PAQR5: variants seen among roughly 807,000 people sequenced by gnomAD.
The protein encoded by PAQR5 is membrane progestin receptor gamma.
A neutral mutation model predicts 34.5 loss-of-function variants in PAQR5; 20 were observed. The ratio of observed to expected loss-of-function variants is 0.58; its 90% CI spans 0.41 to 0.84. The LOEUF (loss-of-function observed/expected upper bound fraction) is 0.84, where lower values mean the gene tolerates loss of function less well. Among genes scored for constraint, PAQR5 ranks in the 40% least tolerant of loss-of-function variants. The pLI, the probability that PAQR5 is intolerant of heterozygous loss-of-function variation, is 0.00. For synonymous variants in PAQR5, 131 were observed against 155.6 expected (o/e 0.84, Z 1.18); for missense variants, 378 against 412.7 (o/e 0.92, Z 0.73).
At position 69,384,754 on chromosome 15, in the gene PAQR5, T is replaced by G. The variant is rs780012426; in HGVS notation, c.257T>G (p.Val86Gly). ...KNDSYSWPML[V>G]YMCTSCVYPL... ...GACAGCTACTCCTGGCCCATGCTTGTGTACATGTGCACCAGCTGCGTGTAC... is the reference window on the plus strand; with the variant it reads ...GACAGCTACTCCTGGCCCATGCTTGGGTACATGTGCACCAGCTGCGTGTAC... Residue 86 changes from valine to glycine, a missense_variant, in exon 5 of 9, where the codon GTG becomes GGG. Val to Gly is a moderately radical substitution (Grantham distance 109). Transcript: ENST00000395407. 1 of 1,613,756 alleles carries G rather than the reference T, an allele frequency of 6.2e-7. No homozygotes were observed. Among genetic ancestry groups the G allele is most frequent in the Non-Finnish European group, 8.5e-7 (1 of 1,179,766 alleles).
At chr15:69,379,800 G>A (rs1346948920) in intron 3 of PAQR5, 83 bp from the exon 4 acceptor site, 2 of 1,512,686 alleles carry the variant, frequency 1.3e-6, no homozygotes, top group African/African-American at 2.7e-5. Flanking sequence ...GGCACACAGA[G>A]CACGGCCTGG....
intron 1 of PAQR5, among the ~76,000 whole-genome samples, chr15:69,303,192 C>T (rs563651845): frequency 2.0e-5 from 3 of 152,298 alleles, no homozygotes; most frequent in South Asian, 2.1e-4. Flanking sequence ...GACCCAGAGG[C>T]GAGGAGTGAC....
At chr15:69,300,642 TTTC>T (rs2053531097) in intron 1 of PAQR5, among the ~76,000 whole-genome samples, 4 of 33,960 alleles carry the variant, frequency 1.2e-4, no homozygotes, top group East Asian at 6.6e-4. Context: ...TCTTTCTTTC[TTTC>T]TTTCTTTTCT....
intron 1 of PAQR5, among the ~76,000 whole-genome samples, chr15:69,324,129 C>CAAAAA (rs55634756): frequency 3.5e-4 from 48 of 135,448 alleles, no homozygotes; most frequent in Non-Finnish European, 4.8e-4. Flanking sequence ...ATAGCTAGGG[C>CAAAAA]AAAAAAAAAA....
intron 5 of PAQR5, among the ~76,000 whole-genome samples, chr15:69,386,992 C>T (rs1229001736): frequency 6.7e-6 from 1 of 149,524 alleles, no homozygotes; most frequent in Non-Finnish European, 1.5e-5. Flanking sequence ...CACCCTCTGG[C>T]CAATTGGTTA....
chr15:69,388,307 T>C (rs780842547), intron 5 of PAQR5, among the ~76,000 whole-genome samples: 56 of 152,242 alleles, frequency 3.7e-4, no homozygotes, highest in Non-Finnish European at 6.9e-4. Context: ...TTTCCTTTCC[T>C]TAGCCTGCAT....
chr15:69,310,651 T>C lies in PAQR5; in HGVS notation c.-277+11595T>C, dbSNP rs369463443. On this transcript the variant is annotated intron_variant, in intron 1 of 8. Coordinates refer to ENST00000395407, the MANE Select transcript of PAQR5 (RefSeq NM_017705.4). ...TTGAAGTATTGGAGAAACTAGTCTTTTGTCTGGAATATACATTATACGTTT... is the reference window on the plus strand; with the variant it reads ...TTGAAGTATTGGAGAAACTAGTCTTCTGTCTGGAATATACATTATACGTTT... 5.3e-5 allele frequency among the ~76,000 whole-genome samples: 8 copies of C among 152,342 alleles called. No individual in the cohort carries two copies. In the East Asian group the frequency reaches 1.3e-3, roughly 26 times the overall value.
At chr15:69,393,610 C>T (rs1864389987) in intron 6 of PAQR5, among the ~76,000 whole-genome samples, 3 of 152,174 alleles carry the variant, frequency 2.0e-5, no homozygotes, top group Admixed American at 2.0e-4. Context: ...CCACCCCTGC[C>T]TCTCCCTCCT....
Position 69,336,472 on chromosome 15 carries a change from C to T in PAQR5, c.-276-869C>T, listed in dbSNP as rs529605398. ...TAAAACTCCTAAAATTCTAATATGACTTTGTATATGTTATCAGTAATAATT... is the reference window on the plus strand; with the variant it reads ...TAAAACTCCTAAAATTCTAATATGATTTTGTATATGTTATCAGTAATAATT... On this transcript the variant is annotated intron_variant, in intron 1 of 8. Coordinates refer to ENST00000395407, the MANE Select transcript of PAQR5 (RefSeq NM_017705.4). 1.8e-4 allele frequency among the ~76,000 whole-genome samples: 28 copies of T among 152,148 alleles called. 2 individuals carry two copies. In the South Asian group the frequency reaches 5.8e-3, roughly 32 times the overall value.
At chr15:69,354,594 T>A (rs1031938403) in intron 2 of PAQR5, among the ~76,000 whole-genome samples, 1 of 152,218 alleles carries the variant, frequency 6.6e-6, no homozygotes, top group East Asian at 1.9e-4. Context: ...ATTGTTTTTA[T>A]TTGGAGATTA....
At chr15:69,315,889 G>A (rs143703068) in intron 1 of PAQR5, among the ~76,000 whole-genome samples, 54 of 152,072 alleles carry the variant, frequency 3.6e-4, no homozygotes, top group African/African-American at 1.2e-3. Context: ...GTCTCATGCC[G>A]CTTCCTTCCC....
chr15:69,342,610 G>T (rs749778705), intron 2 of PAQR5, among the ~76,000 whole-genome samples: 31 of 152,088 alleles, frequency 2.0e-4, no homozygotes, highest in Non-Finnish European at 3.2e-4. Context: ...TCCCTCCATC[G>T]TCCCCCAGGG....
chr15:69,341,921 C>T (rs1206735471), intron 2 of PAQR5, among the ~76,000 whole-genome samples: 1 of 79,030 alleles, frequency 1.3e-5, no homozygotes, highest in Non-Finnish European at 2.7e-5. Context: ...GAGTGAGACC[C>T]TGTCTCAAAA....
At chr15:69,355,837 C>G (rs12914826) in intron 2 of PAQR5, among the ~76,000 whole-genome samples, 118,810 of 152,112 alleles carry the variant, frequency 0.78, 50,242 homozygotes, top group Non-Finnish European at 0.95. Flanking sequence ...CTACTCCCCT[C>G]TATTCTGCGT....
intron 1 of PAQR5, among the ~76,000 whole-genome samples, chr15:69,336,754 G>C (rs1000852422): frequency 1.3e-5 from 2 of 152,116 alleles, no homozygotes; most frequent in Admixed American, 6.6e-5. Flanking sequence ...ATGGTGTTTG[G>C]TTTTCTTTGG....
chr15:69,319,779 G>A (rs184686851), intron 1 of PAQR5, among the ~76,000 whole-genome samples: 8 of 152,298 alleles, frequency 5.3e-5, no homozygotes, highest in Admixed American at 4.6e-4. Flanking sequence ...TGTGGGTTGA[G>A]CTGAATGAAG....
Position 69,407,341 on chromosome 15 carries a change from C to A in PAQR5, c.*3519C>A, listed in dbSNP as rs2056760226. On this transcript the variant is annotated 3_prime_UTR_variant, in exon 9 of 9. Transcript: ENST00000395407. ...ATAGGGTTTTGCCATGCTGCCCAGG[C>A]TGGCTTAGAATTCCTGAATTCAAGT... The A allele has an allele frequency of 2.0e-5, 3 of 152,202 alleles. No individual in the cohort carries two copies. 9.4% of individuals were successfully genotyped at this position (152,202 alleles called of 1,614,324 possible). A position where few individuals can be genotyped will look rare whatever the true frequency, so the allele number is the denominator to read the frequency against.
intron 4 of PAQR5, among the ~76,000 whole-genome samples, chr15:69,383,872 T>C (rs1595921630): frequency 1.1e-3 from 1 of 942 alleles, no homozygotes; most frequent in Non-Finnish European, 1.9e-3. Flanking sequence ...GGAGGGTGAG[T>C]GGGCCTTTGT....
chr15:69,322,515 G>C (rs2054120586), intron 1 of PAQR5, among the ~76,000 whole-genome samples: 1 of 146,808 alleles, frequency 6.8e-6, no homozygotes, highest in African/African-American at 2.6e-5. Context: ...GCTAGGTACT[G>C]TGGCGTGTGC....
Sources: gnomAD v4.1 joint callset for allele counts (sites outside exome capture counted in the v4.1 genomes callset) on GRCh38, gnomAD v4.1.1 for gene constraint, MANE v1.5 for transcripts, NCBI Gene and HGNC (gene_info 2026-07-23, HGNC 2026-07-21) for gene names.